Variants in EFCAB11 observed in about 807,000 individuals in gnomAD.
EFCAB11 encodes the protein EF-hand calcium-binding domain-containing protein 11.
Under a neutral mutation model 23.0 loss-of-function variants are expected in EFCAB11, and 14 were observed. The observed-to-expected ratio is 0.61, with a 90% confidence interval of 0.40 to 0.95. EFCAB11 has a LOEUF of 0.95. Ranked by LOEUF, EFCAB11 falls within the 40% of genes least tolerant of loss-of-function variation. The pLI, the probability that EFCAB11 is intolerant of heterozygous loss-of-function variation, is 0.00. For missense variants in EFCAB11, 198 were observed against 195.8 expected, an observed-to-expected ratio of 1.01 and a Z score of -0.07; for synonymous variants, 65 against 66.6, an observed-to-expected ratio of 0.98 and a Z score of 0.11.
intron 5 of EFCAB11, among the ~76,000 whole-genome samples, chr14:89,930,502 C>G (rs1330152810): frequency 6.6e-6 from 1 of 150,572 alleles, no homozygotes; most frequent in African/African-American, 2.5e-5. Flanking sequence ...GTTTTGGTCA[C>G]TGGGTTGTAA....
intron 5 of EFCAB11, among the ~76,000 whole-genome samples, chr14:89,893,471 A>T (rs1051205981): frequency 6.6e-6 from 1 of 152,002 alleles, no homozygotes; most frequent in Non-Finnish European, 1.5e-5. Flanking sequence ...CCCTCTCCCC[A>T]GCTGCTGAAG....
chr14:89,922,771 T>C (rs941860920), intron 5 of EFCAB11, among the ~76,000 whole-genome samples: 2 of 152,206 alleles, frequency 1.3e-5, no homozygotes, highest in South Asian at 2.1e-4. Flanking sequence ...ATTCTGACAC[T>C]GGAAATAACA....
In EFCAB11 at chr14:89,950,114, A is replaced by T; in HGVS notation, c.200T>A (p.Ile67Lys). The change falls in exon 3 of 6, where the codon ATA becomes AAA. Residue 67 changes from isoleucine (I) to lysine (K), a missense_variant. Coordinates refer to ENST00000316738, the MANE Select transcript of EFCAB11 (RefSeq NM_145231.4). ...CATATTACCAGAAGTATTTGGATTT[A>T]TTGAAGACATCACAGAATCCACTTC... ...KIEVDSVMSSINPNTSGILLE... is the reference protein window; with the variant it reads ...KIEVDSVMSSKNPNTSGILLE... The T allele has an allele frequency of 6.4e-7, 1 of 1,555,270 alleles. No homozygotes were observed. The highest frequency in any genetic ancestry group is 8.8e-7 in the Non-Finnish European group (1 of 1,138,920).
chr14:89,909,865 C>G (rs1206854037), intron 5 of EFCAB11, among the ~76,000 whole-genome samples: 1 of 152,178 alleles, frequency 6.6e-6, no homozygotes, highest in African/African-American at 2.4e-5. Context: ...TCCCTCCTTC[C>G]CTGGCTAAGG....
intron 5 of EFCAB11, among the ~76,000 whole-genome samples, chr14:89,801,212 T>C (rs1885769266): frequency 6.6e-6 from 1 of 152,134 alleles, no homozygotes; most frequent in Admixed American, 6.6e-5. Context: ...TCAAAAGTCC[T>C]TCAATTGACT....
intron 5 of EFCAB11, among the ~76,000 whole-genome samples, chr14:89,864,012 A>G (rs549722466): frequency 6.6e-6 from 1 of 152,366 alleles, no homozygotes; most frequent in South Asian, 2.1e-4. Context: ...ACTTCTCTCA[A>G]GCTTATTTAT....
chr14:89,897,078 A>G (rs1889191900), intron 5 of EFCAB11, among the ~76,000 whole-genome samples: 1 of 152,150 alleles, frequency 6.6e-6, no homozygotes, highest in Non-Finnish European at 1.5e-5. Context: ...GATAAATATT[A>G]GAAACACTAT....
chr14:89,936,085 CT>C (rs143071101), intron 3 of EFCAB11, among the ~76,000 whole-genome samples: 9,549 of 152,128 alleles, frequency 0.063, 962 homozygotes, highest in African/African-American at 0.22. Flanking sequence ...AGGTCTCTTT[CT>C]ATTCACATAG....
chr14:89,839,035 GGTTAGTGGATGACA>G (rs1887174909), intron 5 of EFCAB11, among the ~76,000 whole-genome samples: 1 of 152,194 alleles, frequency 6.6e-6, no homozygotes, highest in South Asian at 2.1e-4. Context: ...GTGACTATGA[GGTTAGTGGATGACA>G]GTATTATGGA....
At chr14:89,889,968 G>A (rs1333279470) in intron 5 of EFCAB11, among the ~76,000 whole-genome samples, 2 of 152,210 alleles carry the variant, frequency 1.3e-5, no homozygotes, top group Non-Finnish European at 2.9e-5. Context: ...GAATACGACT[G>A]TAGGCTGAGT....
chr14:89,887,987 C>CCCA lies in EFCAB11; in HGVS notation c.410+43551_410+43553dup, dbSNP rs1229998471. On this transcript the variant is annotated intron_variant, in intron 5 of 5. Transcript: ENST00000316738. ...GCAAGCTCTTAGTTATCAGCTATATCCCAGATGGCCCTCTAGCAGCATTTA... is the reference window on the plus strand; with the variant it reads ...GCAAGCTCTTAGTTATCAGCTATATCCCACCAGATGGCCCTCTAGCAGCATTTA... Among the ~76,000 whole-genome samples, 4 of 152,210 alleles carry CCCA rather than the reference C, an allele frequency of 2.6e-5. No individual in the cohort carries two copies. The East Asian group carries it at 5.8e-4, about 22-fold the overall frequency.
intron 5 of EFCAB11, among the ~76,000 whole-genome samples, chr14:89,809,620 A>G (rs1302253088): frequency 1.3e-5 from 2 of 152,222 alleles, no homozygotes; most frequent in Non-Finnish European, 2.9e-5. Context: ...AAGTATTTAC[A>G]TTATGCTCAA....
chr14:89,917,734 G>T (rs78457582), intron 5 of EFCAB11, among the ~76,000 whole-genome samples: 1 of 152,144 alleles, frequency 6.6e-6, no homozygotes, highest in East Asian at 1.9e-4. Context: ...CTAGGGGCTT[G>T]GTTCTGTGAC....
At chr14:89,802,221 A>AAAG (rs1885809287) in intron 5 of EFCAB11, among the ~76,000 whole-genome samples, 1 of 151,652 alleles carries the variant, frequency 6.6e-6, no homozygotes, top group Non-Finnish European at 1.5e-5. Context: ...AAAAAAAAAA[A>AAAG]AAAGAAAGAA....
chr14:89,954,769 T>G (rs1023714005), upstream of EFCAB11: 2 of 1,480,906 alleles, frequency 1.4e-6, no homozygotes, highest in Admixed American at 4.1e-5. Context: ...AAGCCGAACT[T>G]CACCGCGCAA....
chr14:89,870,156 T>C (rs984286307), intron 5 of EFCAB11, among the ~76,000 whole-genome samples: 8 of 152,190 alleles, frequency 5.3e-5, no homozygotes, highest in Non-Finnish European at 1.2e-4. Context: ...TAAACATAGG[T>C]GTTTAGCATC....
intron 5 of EFCAB11, among the ~76,000 whole-genome samples, chr14:89,882,005 G>C (rs1286943): frequency 0.96 from 146,506 of 152,280 alleles, 70,614 homozygotes; most frequent in Middle Eastern, 0.99. Context: ...TATTTATAAT[G>C]CTTCCAAAAA....
At chr14:89,808,261 G>T (rs1314659751) in intron 5 of EFCAB11, among the ~76,000 whole-genome samples, 2 of 152,166 alleles carry the variant, frequency 1.3e-5, no homozygotes, top group East Asian at 3.8e-4. Context: ...TCTAAGGCCT[G>T]TATAGGACCT....
In EFCAB11 at chr14:89,896,583, T is replaced by C. The variant is rs1181654257; in HGVS notation, c.410+34958A>G. ...CCTAAGTACATATCCAGAGAAGCAT[T>C]GCACATGGGCACTAGGAATTATGAC... On this transcript the variant is annotated intron_variant, in intron 5 of 5. Coordinates refer to ENST00000316738, the MANE Select transcript of EFCAB11 (RefSeq NM_145231.4). Among the ~76,000 whole-genome samples the C allele has an allele frequency of 2.0e-5, 3 of 152,316 alleles. No homozygotes were observed. In the East Asian group the frequency reaches 5.8e-4, roughly 29 times the overall value.
Sources: gnomAD v4.1 joint callset for allele counts (sites outside exome capture counted in the v4.1 genomes callset) on GRCh38, gnomAD v4.1.1 for gene constraint, MANE v1.5 for transcripts, NCBI Gene and HGNC (gene_info 2026-07-23, HGNC 2026-07-21) for gene names.